The following VAV3 variants were observed in gnomAD, a reference collection of about 807,000 sequenced individuals.
The protein encoded by VAV3 is guanine nucleotide exchange factor VAV3.
In VAV3, 94 loss-of-function variants were observed where a neutral mutation model predicts 131.2. That is an observed-to-expected ratio of 0.72 (90% CI 0.61 to 0.85). The LOEUF (loss-of-function observed/expected upper bound fraction) is 0.85. Among genes scored for constraint, VAV3 ranks in the 40% least tolerant of loss-of-function variants. The pLI is 0.00. For synonymous variants in VAV3, 349 were observed against 342.0 expected (o/e 1.02, Z -0.22); for missense variants, 939 against 1,002.7 (o/e 0.94, Z 0.86).
rs763068652 is a variant in VAV3 at position 107,757,349 on chromosome 1, T to C, written c.1018-20A>G. On this transcript the variant is annotated intron_variant, in intron 10 of 26. Coordinates refer to ENST00000370056, the MANE Select transcript of VAV3 (RefSeq NM_006113.5). Reference sequence around the variant, plus strand: ...CAGTTCCTATTTGGAAGATATGGTTTAGTACTACTTTCATCAAATTAAAAC... The same window carrying C: ...CAGTTCCTATTTGGAAGATATGGTTCAGTACTACTTTCATCAAATTAAAAC... 1.9e-6 allele frequency: 3 copies of C among 1,585,700 alleles called. No homozygotes were observed. In the South Asian group the frequency reaches 3.5e-5, roughly 18 times the overall value.
rs759779685 is a variant in VAV3 at position 107,964,674 on chromosome 1, T to A, written c.196A>T (p.Met66Leu). The A allele has an allele frequency of 5.6e-6, 9 of 1,612,602 alleles. No individual in the cohort carries two copies. The highest frequency in any genetic ancestry group is 7.6e-6 in the Non-Finnish European group (9 of 1,179,262). ...NLKEINLRPQ[M>L]SQFLCLKNIR... ...CGTGCCGGCCTCCTCACCTGGGACATCTGCGGCCTCAGGTTGATCTCCTTC... is the reference window on the plus strand; with the variant it reads ...CGTGCCGGCCTCCTCACCTGGGACAACTGCGGCCTCAGGTTGATCTCCTTC... Residue 66 changes from methionine to leucine, a missense_variant, in exon 1 of 27, where the codon ATG (methionine) becomes TTG (leucine). Coordinates refer to ENST00000370056, the MANE Select transcript of VAV3 (RefSeq NM_006113.5).
At chr1:107,635,014 T>G (rs1202385182) in intron 20 of VAV3, among the ~76,000 whole-genome samples, 1 of 151,694 alleles carries the variant, frequency 6.6e-6, no homozygotes, top group African/African-American at 2.4e-5. Context: ...ACTTTTACAC[T>G]GTTGGTGGGA....
chr1:107,789,640 T>C (rs751020042), intron 2 of VAV3, among the ~76,000 whole-genome samples: 4 of 152,198 alleles, frequency 2.6e-5, no homozygotes, highest in Non-Finnish European at 4.4e-5. Context: ...GAATTCATGA[T>C]GTAAGAAATG....
At chr1:107,576,379 A>G in intron 25 of VAV3, 1 of 1,494,870 alleles carries the variant, frequency 6.7e-7, no homozygotes, top group African/African-American at 1.4e-5. Context: ...AAATAAAAGT[A>G]GTAAAGCAGT....
At chr1:107,785,470 T>C in intron 2 of VAV3, 1 of 1,325,348 alleles carries the variant, frequency 7.5e-7, no homozygotes, top group Non-Finnish European at 9.9e-7. Flanking sequence ...GGAGGTGGGC[T>C]CTGCAAGGGC....
intron 2 of VAV3, among the ~76,000 whole-genome samples, chr1:107,823,507 A>T (rs969004524): frequency 1.1e-4 from 17 of 152,170 alleles, no homozygotes; most frequent in Non-Finnish European, 1.8e-4. Context: ...CATTAAAAAA[A>T]AATAATAAAG....
At chr1:107,951,892 A>G (rs1674553562) in intron 1 of VAV3, among the ~76,000 whole-genome samples, 2 of 152,228 alleles carry the variant, frequency 1.3e-5, no homozygotes, top group South Asian at 4.1e-4. Flanking sequence ...TTAGTTCAAC[A>G]TTTGTGGAAG....
intron 5 of VAV3, among the ~76,000 whole-genome samples, chr1:107,771,481 C>T (rs1665040534): frequency 2.6e-5 from 4 of 152,176 alleles, no homozygotes; most frequent in African/African-American, 9.7e-5. Context: ...TCTTGATCTC[C>T]TGACCTCATG....
At chr1:107,768,336 C>G in intron 7 of VAV3, 105 bp downstream of exon 7, 1 of 816,202 alleles carries the variant, frequency 1.2e-6, no homozygotes. Context: ...GGCCAATATT[C>G]TTAAATAATA....
intron 2 of VAV3, among the ~76,000 whole-genome samples, chr1:107,851,300 C>G (rs1463257786): frequency 1.3e-5 from 2 of 151,280 alleles, no homozygotes; most frequent in African/African-American, 4.9e-5. Context: ...TATCATCTGG[C>G]CTTAAACAAA....
At chr1:107,964,498 A>G in intron 1 of VAV3, 168 bp downstream of exon 1, 1 of 672,890 alleles carries the variant, frequency 1.5e-6, no homozygotes, top group Non-Finnish European at 2.4e-6. Context: ...AACCATTTCA[A>G]GCCAAGGTAG....
At chr1:107,686,815 T>C (rs989832303) in intron 18 of VAV3, among the ~76,000 whole-genome samples, 2 of 152,220 alleles carry the variant, frequency 1.3e-5, no homozygotes, top group African/African-American at 4.8e-5. Flanking sequence ...TGAGAATTAT[T>C]TAGTATCACA....
chr1:107,635,876 G>T (rs780654627), intron 20 of VAV3, among the ~76,000 whole-genome samples: 27 of 152,192 alleles, frequency 1.8e-4, no homozygotes, highest in Non-Finnish European at 2.9e-4. Context: ...TAACAGCTCT[G>T]CTAAGTTACT....
chr1:107,910,988 A>G (rs1305507855), intron 1 of VAV3, among the ~76,000 whole-genome samples: 5 of 151,826 alleles, frequency 3.3e-5, no homozygotes, highest in Non-Finnish European at 5.9e-5. Context: ...AGTCTCATTA[A>G]AAGAAAAAAA....
intron 19 of VAV3, among the ~76,000 whole-genome samples, chr1:107,647,950 T>C (rs1655861055): frequency 6.6e-6 from 1 of 152,030 alleles, no homozygotes; most frequent in African/African-American, 2.4e-5. Flanking sequence ...TATAGGGCTC[T>C]TTCTAAGAAA....
At chr1:107,866,822 C>CAAAAAAAA (rs66866060) in intron 2 of VAV3, among the ~76,000 whole-genome samples, 2 of 59,204 alleles carry the variant, frequency 3.4e-5, no homozygotes, top group African/African-American at 1.6e-4. Flanking sequence ...GACTCCATCT[C>CAAAAAAAA]AAAAAAAAAA....
intron 2 of VAV3, among the ~76,000 whole-genome samples, chr1:107,798,718 CAAAAAAAAAAAAAAA>C (rs57288177): frequency 6.1e-5 from 3 of 49,524 alleles, no homozygotes; most frequent in South Asian, 1.1e-3. Flanking sequence ...GACTCCCTCT[CAAAAAAAAAAAAAAA>C]AAAAAAAAAA....
At chr1:107,680,823 G>C (rs150732558) in intron 19 of VAV3, among the ~76,000 whole-genome samples, 1 of 152,130 alleles carries the variant, frequency 6.6e-6, no homozygotes. Flanking sequence ...GCAAACTGCC[G>C]AAGTTCAAAC....
chr1:107,896,330 C>T (rs1328846505), intron 1 of VAV3, among the ~76,000 whole-genome samples: 2 of 152,168 alleles, frequency 1.3e-5, no homozygotes, highest in South Asian at 2.1e-4. Context: ...ATCCCCACCC[C>T]ACCCAAGAGC....
Sources: allele counts gnomAD v4.1 joint callset (sites outside exome capture counted in the v4.1 genomes callset), GRCh38; gene constraint gnomAD v4.1.1; transcripts MANE v1.5; gene names NCBI Gene and HGNC (gene_info 2026-07-23, HGNC 2026-07-21).